Variants in SH3BGRL2 observed in about 807,000 individuals in gnomAD.
The protein encoded by SH3BGRL2 is SH3 domain binding glutamate rich protein like 2.
SH3BGRL2 carries 21 observed loss-of-function variants against 14.8 expected under a neutral mutation model. That is an observed-to-expected ratio of 1.42 (90% CI 1.01 to 2.05). SH3BGRL2 has a LOEUF of 2.05. Among genes scored for constraint, SH3BGRL2 ranks in the 30% most tolerant of loss-of-function variants. The pLI, the probability that SH3BGRL2 is intolerant of heterozygous loss-of-function variation, is 0.00. For missense variants in SH3BGRL2, 147 were observed against 130.8 expected, an observed-to-expected ratio of 1.12 and a Z score of -0.61; for synonymous variants, 50 against 47.8, an observed-to-expected ratio of 1.05 and a Z score of -0.19.
the SH3BGRL2 span, among the ~76,000 whole-genome samples, chr6:79,607,995 T>C: frequency 1.3e-5 from 2 of 152,074 alleles, no homozygotes; most frequent in Non-Finnish European, 2.9e-5. Flanking sequence ...TTCCTCAGGC[T>C]GTACAGGAAG....
chr6:79,611,667 C>T, the SH3BGRL2 span, among the ~76,000 whole-genome samples: 4 of 152,160 alleles, frequency 2.6e-5, no homozygotes, highest in Non-Finnish European at 5.9e-5. Flanking sequence ...CCACCTCGGC[C>T]TCCCAAAGTG....
chr6:79,624,655 T>C, the SH3BGRL2 span, among the ~76,000 whole-genome samples: 1 of 152,042 alleles, frequency 6.6e-6, no homozygotes. Flanking sequence ...GTTTATCCAG[T>C]GGTTACCCTA....
the SH3BGRL2 span, among the ~76,000 whole-genome samples, chr6:79,570,937 G>A: frequency 6.6e-6 from 1 of 152,198 alleles, no homozygotes; most frequent in Non-Finnish European, 1.5e-5. Context: ...AAGGGCCCTA[G>A]GTGGAGCCTC....
chr6:79,576,818 C>T, the SH3BGRL2 span, among the ~76,000 whole-genome samples: 1 of 152,162 alleles, frequency 6.6e-6, no homozygotes, highest in African/African-American at 2.4e-5. Flanking sequence ...CCTGGCTCCT[C>T]CTTTCAGTCG....
At chr6:79,561,846 T>C in the SH3BGRL2 span, among the ~76,000 whole-genome samples, 1 of 152,196 alleles carries the variant, frequency 6.6e-6, no homozygotes, top group Non-Finnish European at 1.5e-5. Context: ...GTCTAGACAA[T>C]GTAAACTAAA....
chr6:79,590,035 A>G, the SH3BGRL2 span, among the ~76,000 whole-genome samples: 1 of 152,110 alleles, frequency 6.6e-6, no homozygotes, highest in African/African-American at 2.4e-5. Context: ...AGCTTCCCAA[A>G]GTTCTGGGAT....
intron 1 of SH3BGRL2, among the ~76,000 whole-genome samples, chr6:79,648,255 C>CGCATATATATATGTAT (rs749278658): frequency 1.6e-5 from 1 of 62,472 alleles, no homozygotes; most frequent in Non-Finnish European, 2.9e-5. Context: ...ATTCTTTTGG[C>CGCATATATATATGTAT]ATATATATAT....
chr6:79,665,828 C>G (rs1294814902), intron 1 of SH3BGRL2, among the ~76,000 whole-genome samples: 1 of 152,152 alleles, frequency 6.6e-6, no homozygotes, highest in Non-Finnish European at 1.5e-5. Flanking sequence ...GTCTTTCTGA[C>G]AGGGATTCTG....
chr6:79,657,709 C>T (rs1011971908), intron 1 of SH3BGRL2, among the ~76,000 whole-genome samples: 19 of 151,024 alleles, frequency 1.3e-4, no homozygotes, highest in East Asian at 2.0e-4. Context: ...CTCCACCTCC[C>T]GGGTTCAAGC....
At chr6:79,550,263 G>T in the SH3BGRL2 span, among the ~76,000 whole-genome samples, 1 of 152,064 alleles carries the variant, frequency 6.6e-6, no homozygotes, top group South Asian at 2.1e-4. Flanking sequence ...CTGGACTTTT[G>T]CAGCTACTGG....
rs35728679 is a variant in SH3BGRL2 at position 79,699,463 on chromosome 6, C to CTTTTTTTT, written c.313-12_313-5dup. 52 of 880,996 alleles carry CTTTTTTTT rather than the reference C, an allele frequency of 5.9e-5. 1 individual carries two copies. Among genetic ancestry groups the CTTTTTTTT allele is most frequent in the Admixed American group, 2.6e-4 (6 of 23,364 alleles). 54.6% of individuals were successfully genotyped at this position (880,996 alleles called of 1,614,324 possible). On this transcript the variant is annotated intron_variant, in intron 3 of 3. Transcript: ENST00000369838. ...CTTGTCGATGTAATGCAATAACTGACTTTTTTTTTTTTTTTTTTTTTTTTT... is the reference window on the plus strand; with the variant it reads ...CTTGTCGATGTAATGCAATAACTGACTTTTTTTTTTTTTTTTTTTTTTTTTTTTTTTTT...
chr6:79,688,146 C>G (rs1770138388), intron 2 of SH3BGRL2, among the ~76,000 whole-genome samples: 1 of 151,412 alleles, frequency 6.6e-6, no homozygotes, highest in East Asian at 1.9e-4. Flanking sequence ...AGAAATGTCT[C>G]TAACAGTGGT....
At chr6:79,617,824 A>G in the SH3BGRL2 span, among the ~76,000 whole-genome samples, 4 of 152,218 alleles carry the variant, frequency 2.6e-5, no homozygotes, top group African/African-American at 9.6e-5. Flanking sequence ...TCAAATTGCA[A>G]CAATCAGGAG....
At chr6:79,552,417 C>G in the SH3BGRL2 span, among the ~76,000 whole-genome samples, 1 of 152,136 alleles carries the variant, frequency 6.6e-6, no homozygotes, top group Non-Finnish European at 1.5e-5. Context: ...CTGGCATGGC[C>G]TTTGGTCCTG....
At chr6:79,694,819 C>T (rs1184274341) in intron 2 of SH3BGRL2, among the ~76,000 whole-genome samples, 2 of 152,150 alleles carry the variant, frequency 1.3e-5, no homozygotes, top group Non-Finnish European at 2.9e-5. Flanking sequence ...GTCTGCTGCC[C>T]TCTGCCGTCA....
At chr6:79,666,663 T>C (rs1313800516) in intron 1 of SH3BGRL2, among the ~76,000 whole-genome samples, 1 of 152,184 alleles carries the variant, frequency 6.6e-6, no homozygotes, top group Non-Finnish European at 1.5e-5. Flanking sequence ...CTTAGGGCCT[T>C]CTACCTTCCT....
the SH3BGRL2 span, among the ~76,000 whole-genome samples, chr6:79,539,504 G>A: frequency 2.3e-3 from 349 of 152,322 alleles, no homozygotes; most frequent in African/African-American, 8.1e-3. Flanking sequence ...GCACTTTGGA[G>A]TTTTATTTTT....
the SH3BGRL2 span, chr6:79,553,006 C>A: frequency 6.6e-6 from 1 of 152,126 alleles, no homozygotes; most frequent in South Asian, 2.1e-4. Flanking sequence ...GTGAATTAGA[C>A]CCTTTTAATT....
intron 1 of SH3BGRL2, among the ~76,000 whole-genome samples, chr6:79,633,651 C>T (rs1768868290): frequency 6.6e-6 from 1 of 152,114 alleles, no homozygotes; most frequent in African/African-American, 2.4e-5. Flanking sequence ...TTTGAAGACC[C>T]AGTCTTTTCA....
Sources: gnomAD v4.1 joint callset for allele counts (sites outside exome capture counted in the v4.1 genomes callset) on GRCh38, gnomAD v4.1.1 for gene constraint, MANE v1.5 for transcripts, NCBI Gene and HGNC (gene_info 2026-07-23, HGNC 2026-07-21) for gene names.